Variants in UGGT2 observed in about 807,000 individuals in gnomAD.
The protein encoded by UGGT2 is UDP-glucose glycoprotein glucosyltransferase 2, also known as UDP-glucose:glycoprotein glucosyltransferase 2.
UGGT2 carries 180 observed loss-of-function variants against 192.1 expected under a neutral mutation model. The observed-to-expected ratio is 0.94, with a 90% confidence interval of 0.83 to 1.06. UGGT2 has a LOEUF of 1.06. Among genes scored for constraint, UGGT2 ranks in the 50% least tolerant of loss-of-function variants. UGGT2 has a pLI of 0.00. For missense variants in UGGT2, 1,849 were observed against 1,795.7 expected, an observed-to-expected ratio of 1.03 and a Z score of -0.54; for synonymous variants, 580 against 591.0, an observed-to-expected ratio of 0.98 and a Z score of 0.27.
At chr13:96,025,790 A>G (rs1465040287) in intron 2 of UGGT2, among the ~76,000 whole-genome samples, 1 of 152,214 alleles carries the variant, frequency 6.6e-6, no homozygotes, top group African/African-American at 2.4e-5. Flanking sequence ...AAGTTTCCTG[A>G]AAGAATACAA....
intron 29 of UGGT2, chr13:95,877,051 T>A: frequency 2.7e-6 from 1 of 364,952 alleles, no homozygotes. Context: ...GTCTGGCAAA[T>A]TTTTGTATTT....
chr13:95,845,914 G>A lies in UGGT2; in HGVS notation c.4284+7629C>T, dbSNP rs555619768. 2.3e-3 allele frequency among the ~76,000 whole-genome samples: 348 copies of A among 151,074 alleles called. 4 individuals are homozygous for A. Among genetic ancestry groups the A allele is most frequent in the African/African-American group, 8.0e-3 (327 of 41,100 alleles). On this transcript the variant is annotated intron_variant, in intron 36 of 38. Coordinates refer to ENST00000376747, the MANE Select transcript of UGGT2 (RefSeq NM_020121.4). Reference sequence around the variant, plus strand: ...TCACTTCCTAGACGGGATGAGGGCCGGGGAGAGGGACTCCTCACTTCCCAG... The same window carrying A: ...TCACTTCCTAGACGGGATGAGGGCCAGGGAGAGGGACTCCTCACTTCCCAG...
At chr13:95,901,930 T>C (rs1050522532) in intron 21 of UGGT2, among the ~76,000 whole-genome samples, 1 of 152,128 alleles carries the variant, frequency 6.6e-6, no homozygotes, top group African/African-American at 2.4e-5. Flanking sequence ...CTATCATCCT[T>C]CCCATGGCGT....
At chr13:95,983,376 T>C (rs1476292849) in intron 10 of UGGT2, 2 of 275,140 alleles carry the variant, frequency 7.3e-6, no homozygotes, top group African/African-American at 4.5e-5. Context: ...TTGGGGTCTA[T>C]GGATAATTTA....
At chr13:96,015,855 G>A (rs61262042) in intron 4 of UGGT2, among the ~76,000 whole-genome samples, 2,353 of 152,198 alleles carry the variant, frequency 0.015, 62 homozygotes, top group African/African-American at 0.054. Context: ...TATATACACC[G>A]CAAGGAGTGG....
intron 20 of UGGT2, among the ~76,000 whole-genome samples, chr13:95,909,079 A>C (rs954596442): frequency 5.9e-5 from 9 of 151,934 alleles, no homozygotes; most frequent in Non-Finnish European, 1.0e-4. Context: ...TTATGGTTTT[A>C]GGTCTAACGT....
intron 29 of UGGT2, among the ~76,000 whole-genome samples, chr13:95,869,605 G>A (rs1344528768): frequency 1.3e-5 from 2 of 152,260 alleles, no homozygotes; most frequent in East Asian, 1.9e-4. Context: ...TTTGAGGAAA[G>A]TACAATTATT....
intron 36 of UGGT2, among the ~76,000 whole-genome samples, chr13:95,843,896 G>T (rs539230287): frequency 3.9e-5 from 6 of 152,110 alleles, no homozygotes; most frequent in African/African-American, 1.2e-4. Context: ...AAACAAGGTG[G>T]TATAAGTCCT....
Position 95,884,553 on chromosome 13 carries a change from C to T in UGGT2, c.3166G>A (p.Glu1056Lys), listed in dbSNP as rs1359926542. Residue 1056 changes from glutamate to lysine, a missense_variant, in exon 27 of 39, where the codon GAA becomes AAA. Physicochemically the swap from Glu to Lys is moderately conservative, Grantham distance 56. Transcript: ENST00000376747. Reference protein sequence around the residue: ...PLLILNMITPEGWLVETVHSN... With the variant: ...PLLILNMITPKGWLVETVHSN... ...TGCACTGTTTCAACCAACCAGCCTT[C>T]TGGAGTAATCATGTTGAGGATTAGG... is the stretch of plus-strand genomic sequence containing the variant. 1 of 1,613,982 alleles carries T rather than the reference C, an allele frequency of 6.2e-7. No individual in the cohort carries two copies. The highest frequency in any genetic ancestry group is 1.7e-5 in the Admixed American group (1 of 60,010).
intron 20 of UGGT2, among the ~76,000 whole-genome samples, chr13:95,914,952 A>C (rs1471402858): frequency 3.3e-5 from 5 of 152,226 alleles, no homozygotes; most frequent in Non-Finnish European, 7.3e-5. Flanking sequence ...CAAAATGTAA[A>C]GTGACATGCA....
At chr13:95,951,152 G>C (rs1163184194) in intron 12 of UGGT2, among the ~76,000 whole-genome samples, 1 of 151,938 alleles carries the variant, frequency 6.6e-6, no homozygotes, top group Non-Finnish European at 1.5e-5. Flanking sequence ...AGGAATTTAG[G>C]GTATATGTTC....
At chr13:95,923,497 T>G (rs1478331148) in intron 20 of UGGT2, among the ~76,000 whole-genome samples, 2 of 151,984 alleles carry the variant, frequency 1.3e-5, no homozygotes, top group East Asian at 1.9e-4. Flanking sequence ...GCCTCGCCAG[T>G]AGCTGGGATT....
At chr13:95,946,921 A>C (rs1294106010) in intron 15 of UGGT2, 116 bp downstream of exon 15, 1 of 1,141,360 alleles carries the variant, frequency 8.8e-7, no homozygotes, top group Non-Finnish European at 1.2e-6. Flanking sequence ...ACAGTTTATA[A>C]ACTTTGAAAT....
chr13:95,887,490 T>C, intron 26 of UGGT2: 1 of 312,090 alleles, frequency 3.2e-6, no homozygotes, highest in Non-Finnish European at 6.4e-6. Flanking sequence ...CAGGTTATTC[T>C]AAGCTAATTT....
intron 4 of UGGT2, among the ~76,000 whole-genome samples, chr13:96,022,088 T>TA (rs1399925885): frequency 2.6e-5 from 4 of 151,840 alleles, no homozygotes; most frequent in Admixed American, 1.3e-4. Context: ...CAATAAATAT[T>TA]AAAACAGTAT....
At chr13:95,982,159 A>AGAAGG (rs2051146920) in intron 10 of UGGT2, among the ~76,000 whole-genome samples, 2 of 152,224 alleles carry the variant, frequency 1.3e-5, no homozygotes, top group Admixed American at 1.3e-4. Flanking sequence ...TCAGGTTGCC[A>AGAAGG]GCATGGTTCT....
chr13:95,945,029 C>T (rs1437958522), intron 15 of UGGT2, among the ~76,000 whole-genome samples: 2 of 151,790 alleles, frequency 1.3e-5, no homozygotes, highest in African/African-American at 4.8e-5. Context: ...TTTATGGCTA[C>T]CTTAGATTTC....
intron 12 of UGGT2, among the ~76,000 whole-genome samples, chr13:95,967,135 T>C (rs2050605909): frequency 2.0e-5 from 3 of 151,970 alleles, no homozygotes; most frequent in South Asian, 2.1e-4. Flanking sequence ...TGTATCGTTA[T>C]AAGGGCACCA....
Position 95,856,203 on chromosome 13 carries a change from A to G in UGGT2, c.3963T>C (p.Leu1321=), listed in dbSNP as rs370996549. 59 of 1,613,344 alleles carry G rather than the reference A, an allele frequency of 3.7e-5. No homozygotes were observed. Among genetic ancestry groups the G allele is most frequent in the Non-Finnish European group, 4.6e-5 (54 of 1,179,746 alleles). ...TGATTTTGTCCACTGCTAGTGGGAA[A>G]AGAACATCAAGGAAAAGAATTTTGT... ...WGYKILFLDV[L]FPLAVDKIIF... The change falls in exon 34 of 39, where the codon CTT becomes CTC. Residue 1321 remains leucine, a synonymous_variant. Coordinates refer to ENST00000376747, the MANE Select transcript of UGGT2 (RefSeq NM_020121.4).
Sources: allele counts gnomAD v4.1 joint callset (sites outside exome capture counted in the v4.1 genomes callset), GRCh38; gene constraint gnomAD v4.1.1; transcripts MANE v1.5; gene names NCBI Gene and HGNC (gene_info 2026-07-23, HGNC 2026-07-21).